The following IFNLR1 variants were observed in gnomAD, a reference collection of about 807,000 sequenced individuals.
The protein encoded by IFNLR1 is CRF2-12.
In IFNLR1, 28 loss-of-function variants were observed where a neutral mutation model predicts 52.5. The observed-to-expected ratio is 0.53, with a 90% CI of 0.40 to 0.73. IFNLR1 has a LOEUF of 0.73. IFNLR1 is among the 30% of genes least tolerant of loss of function. The pLI, the probability that IFNLR1 is intolerant of heterozygous loss-of-function variation, is 0.00. For synonymous variants in IFNLR1, 276 were observed against 274.9 expected (o/e 1.00, Z -0.04); for missense variants, 623 against 659.1 (o/e 0.95, Z 0.60).
At chr1:24,161,247 TG>T in intron 4 of IFNLR1, 1 of 553,164 alleles carries the variant, frequency 1.8e-6, no homozygotes, top group Non-Finnish European at 3.2e-6. Flanking sequence ...AATCTGAAAT[TG>T]GATATACACC....
Position 24,162,849 on chromosome 1 carries a change from T to C in IFNLR1, c.368-1165A>G, listed in dbSNP as rs1304097281. 1.3e-3 allele frequency among the ~76,000 whole-genome samples: 96 copies of C among 71,212 alleles called. 2 individuals are homozygous for C. Among genetic ancestry groups the C allele is most frequent in the Middle Eastern group, 0.011 (2 of 186 alleles). The allele number at this position is 71,212 out of a possible 152,430, so 46.7% of individuals were successfully genotyped here. On this transcript the variant is annotated intron_variant, in intron 3 of 6. Transcript: ENST00000327535. ...TTCTTTCTTTTCTTTCTTTCTTTCT[T>C]TCTTTCTTTCTTTCTTTCTTTCTTT...
intron 3 of IFNLR1, among the ~76,000 whole-genome samples, chr1:24,162,711 C>CTT (rs754280124): frequency 0.039 from 1,512 of 39,246 alleles, 209 homozygotes; most frequent in East Asian, 0.058. Context: ...CTTTTCTTTT[C>CTT]TTTCTTTCTT....
intron 1 of IFNLR1, among the ~76,000 whole-genome samples, chr1:24,185,304 G>A (rs1644726938): frequency 6.6e-6 from 1 of 152,136 alleles, no homozygotes; most frequent in African/African-American, 2.4e-5. Context: ...GGTCTATTGA[G>A]CTTTATGATT....
chr1:24,171,992 A>AG (rs909706357), intron 2 of IFNLR1, among the ~76,000 whole-genome samples: 8 of 151,742 alleles, frequency 5.3e-5, no homozygotes, highest in South Asian at 2.1e-4. Context: ...TTCTGTAGAG[A>AG]GGGGGTCTCA....
chr1:24,167,739 G>T lies in IFNLR1; in HGVS notation c.367+1678C>A, dbSNP rs113905730. Among the ~76,000 whole-genome samples the T allele has an allele frequency of 1.7e-3, 260 of 151,924 alleles. 1 individual carries two copies. Among genetic ancestry groups the T allele is most frequent in the African/African-American group, 5.4e-3 (225 of 41,412 alleles). On this transcript the variant is annotated intron_variant, in intron 3 of 6. Coordinates refer to ENST00000327535, the MANE Select transcript of IFNLR1 (RefSeq NM_170743.4). ...AGACGGAGTCTTGCTCTGTCACCCA[G>T]GCTGAAGTGCAGTGGCACGATCTCA...
intron 3 of IFNLR1, among the ~76,000 whole-genome samples, chr1:24,161,953 C>A (rs180690183): frequency 6.6e-6 from 1 of 152,340 alleles, no homozygotes; most frequent in East Asian, 1.9e-4. Flanking sequence ...TTCTCTCATG[C>A]CATCCCATCC....
chr1:24,170,663 A>G (rs752789151), intron 2 of IFNLR1, among the ~76,000 whole-genome samples: 32 of 152,214 alleles, frequency 2.1e-4, no homozygotes, highest in Non-Finnish European at 2.5e-4. Flanking sequence ...CTGGCCTAAC[A>G]TGTTTTTACA....
At chr1:24,167,418 T>C (rs1644531101) in intron 3 of IFNLR1, among the ~76,000 whole-genome samples, 1 of 152,152 alleles carries the variant, frequency 6.6e-6, no homozygotes, top group Non-Finnish European at 1.5e-5. Context: ...AAAGTCTTGC[T>C]CTGTCACCCA....
chr1:24,161,935 G>C (rs1644448052), intron 3 of IFNLR1, among the ~76,000 whole-genome samples: 1 of 152,200 alleles, frequency 6.6e-6, no homozygotes. Context: ...GCTCATTGCT[G>C]ACCTGCCTTC....
intron 2 of IFNLR1, among the ~76,000 whole-genome samples, chr1:24,170,179 G>A (rs1644565341): frequency 6.6e-6 from 1 of 152,168 alleles, no homozygotes; most frequent in South Asian, 2.1e-4. Flanking sequence ...TTACCAGAAC[G>A]GAGTCAGGTG....
intron 3 of IFNLR1, among the ~76,000 whole-genome samples, chr1:24,165,917 G>A (rs1354166474): frequency 1.3e-5 from 2 of 152,094 alleles, no homozygotes; most frequent in South Asian, 2.1e-4. Flanking sequence ...AAGTGACCAC[G>A]GCCACATATG....
chr1:24,171,502 T>A (rs1644579352), intron 2 of IFNLR1, among the ~76,000 whole-genome samples: 1 of 152,154 alleles, frequency 6.6e-6, no homozygotes, highest in Non-Finnish European at 1.5e-5. Flanking sequence ...AAATATATAT[T>A]TTTTGAGACA....
rs975113031 is a variant in IFNLR1 at position 24,159,075 on chromosome 1, G to A, written c.778C>T (p.Arg260Trp). The A allele has an allele frequency of 3.7e-6, 6 of 1,613,968 alleles. No homozygotes were observed. Among genetic ancestry groups the A allele is most frequent in the East Asian group, 2.2e-5 (1 of 44,870 alleles). Residue 260 changes from arginine to tryptophan, a missense_variant, in exon 6 of 7, where the codon CGG becomes TGG. Physicochemically the swap from Arg to Trp is moderately radical, Grantham distance 101 (BLOSUM62 -3). Coordinates refer to ENST00000327535, the MANE Select transcript of IFNLR1 (RefSeq NM_170743.4). ...KTLMGNPWFQ[R>W]AKMPRALDFS... Reference sequence around the variant, plus strand: ...ACCAGGGCCCGTGGCATCTTTGCCCGCTGAAACCAGGGGTTCCCCATGAGG... The same window carrying A: ...ACCAGGGCCCGTGGCATCTTTGCCCACTGAAACCAGGGGTTCCCCATGAGG...
In IFNLR1 at chr1:24,168,471, C is replaced by T. The variant is rs530853957; in HGVS notation, c.367+946G>A. ...AGATCCAGTTCACATCTATGTCCAC[C>T]GGTTACTAGCGGTATCAAGTCCACT... On this transcript the variant is annotated intron_variant, in intron 3 of 6. Coordinates refer to ENST00000327535, the MANE Select transcript of IFNLR1 (RefSeq NM_170743.4). Among the ~76,000 whole-genome samples, 12 of 152,186 alleles carry T rather than the reference C, an allele frequency of 7.9e-5. No individual in the cohort carries two copies. The South Asian group carries it at 1.7e-3, about 21-fold the overall frequency.
At chr1:24,173,195 A>C (rs2148597898) in intron 2 of IFNLR1, among the ~76,000 whole-genome samples, 1 of 152,106 alleles carries the variant, frequency 6.6e-6, no homozygotes, top group East Asian at 1.9e-4. Context: ...GGGGAAAAAA[A>C]TCACAATACA....
chr1:24,169,655 G>T (rs112448149), intron 2 of IFNLR1, 54 bp from the exon 3 acceptor site: 2 of 1,542,176 alleles, frequency 1.3e-6, no homozygotes, highest in African/African-American at 2.8e-5. Flanking sequence ...TCCGGGTCAG[G>T]GAACTTAGAG....
At chr1:24,183,566 C>G (rs1644711336) in intron 1 of IFNLR1, among the ~76,000 whole-genome samples, 1 of 152,164 alleles carries the variant, frequency 6.6e-6, no homozygotes, top group Non-Finnish European at 1.5e-5. Context: ...GCCAACAGAG[C>G]AAGACCCTGT....
In IFNLR1 at chr1:24,157,322, C is replaced by T. The variant is rs1644391091; in HGVS notation, c.1371G>A (p.Glu457=). 1 of 1,614,088 alleles carries T rather than the reference C, an allele frequency of 6.2e-7. No homozygotes were observed. Among genetic ancestry groups the T allele is most frequent in the Non-Finnish European group, 8.5e-7 (1 of 1,180,030 alleles). Residue 457 remains glutamate, a synonymous_variant, in exon 7 of 7, where the codon GAG becomes GAA. Transcript: ENST00000327535. This position sits in a 1 kb window ranked among gnomAD's most constrained non-coding sequence, Gnocchi z 5.1. ...SWATWGTLPP[E]PNLVPGGPPV... ...GGGGTCCCCCAGGGACCAGATTCGG[C>T]TCCGGTGGTAAGGTGCCCCAGGTGG...
chr1:24,166,176 C>CCCATCCATCCATCCATCCAT (rs143399355), intron 3 of IFNLR1, among the ~76,000 whole-genome samples: 179 of 149,464 alleles, frequency 1.2e-3, no homozygotes, highest in African/African-American at 4.2e-3. Flanking sequence ...TCCTTTCCTT[C>CCCATCCATCCATCCATCCAT]CCATCCATCC....
Sources: gnomAD v4.1 joint callset for allele counts (sites outside exome capture counted in the v4.1 genomes callset) on GRCh38, gnomAD v4.1.1 for gene constraint, Gnocchi (gnomAD v3.1) non-coding constraint, MANE v1.5 for transcripts, NCBI Gene and HGNC (gene_info 2026-07-23, HGNC 2026-07-21) for gene names.